The following CDH2 variants were observed in gnomAD, a reference collection of about 807,000 sequenced individuals.
CDH2 encodes the protein cadherin-2.
CDH2 carries 17 observed loss-of-function variants against 92.0 expected under a neutral mutation model. The observed-to-expected ratio is 0.18, with a 90% CI of 0.13 to 0.28. The LOEUF is 0.28. CDH2 is among the 10% of genes least tolerant of loss of function. The probability of loss-of-function intolerance (pLI) is 1.00; values close to 1 mark genes in which losing one functional copy is unlikely to be tolerated. For synonymous variants in CDH2, 419 were observed against 415.9 expected (o/e 1.01, Z -0.09); for missense variants, 862 against 1,133.1 (o/e 0.76, Z 3.44).
chr18:28,116,417 C>T (rs539952052), intron 2 of CDH2, among the ~76,000 whole-genome samples: 4 of 152,224 alleles, frequency 2.6e-5, no homozygotes, highest in South Asian at 4.2e-4. Flanking sequence ...ACATTTTCTC[C>T]TCAGACTCTA....
rs537935222 is a variant in CDH2, at chr18:28,143,780, T to C, written c.172+3893A>G. ...CTGCTGCTAACAATCTAAAGAACTA[T>C]ATAATCACATATACACCATGAAATA... On this transcript the variant is annotated intron_variant, in intron 2 of 15. Coordinates refer to ENST00000269141, the MANE Select transcript of CDH2 (RefSeq NM_001792.5). Among the ~76,000 whole-genome samples, 4 of 152,034 alleles carry C rather than the reference T, an allele frequency of 2.6e-5. No homozygotes were observed. The East Asian group carries it at 7.8e-4, about 29-fold the overall frequency.
intron 2 of CDH2, among the ~76,000 whole-genome samples, chr18:28,094,034 C>T (rs191633466): frequency 9.9e-5 from 15 of 152,270 alleles, no homozygotes; most frequent in Non-Finnish European, 1.8e-4. Flanking sequence ...AACTTAGACT[C>T]AAATGAGCAA....
chr18:28,101,216 G>C (rs1214489846), intron 2 of CDH2, among the ~76,000 whole-genome samples: 1 of 152,092 alleles, frequency 6.6e-6, no homozygotes, highest in Non-Finnish European at 1.5e-5. Flanking sequence ...GAACACCTTA[G>C]CAGTTTGCTT....
At chr18:28,080,117 T>C (rs1317937624) in intron 2 of CDH2, among the ~76,000 whole-genome samples, 1 of 152,058 alleles carries the variant, frequency 6.6e-6, no homozygotes, top group African/African-American at 2.4e-5. Context: ...GGTAATTAAT[T>C]TACCTGAAGG....
chr18:28,136,242 C>T (rs2082512682), intron 2 of CDH2, among the ~76,000 whole-genome samples: 1 of 152,078 alleles, frequency 6.6e-6, no homozygotes, highest in African/African-American at 2.4e-5. Context: ...AAATCAAAGG[C>T]AGTATTATCA....
At chr18:28,073,986 C>CA (rs2014670314) in intron 2 of CDH2, among the ~76,000 whole-genome samples, 1 of 152,084 alleles carries the variant, frequency 6.6e-6, no homozygotes, top group South Asian at 2.1e-4. Flanking sequence ...ATTAGCACGT[C>CA]AGAGGTGGTG....
At chr18:27,949,793 G>C (rs1227447919), downstream of CDH2, among the ~76,000 whole-genome samples, 1 of 151,598 alleles carries the variant, frequency 6.6e-6, no homozygotes, top group African/African-American at 2.4e-5. Flanking sequence ...TTTTTACAAA[G>C]AAAATAGTTG....
At chr18:28,009,566 A>T in intron 5 of CDH2, 151 bp downstream of exon 5, 2 of 543,056 alleles carry the variant, frequency 3.7e-6, no homozygotes, top group South Asian at 5.1e-5. Flanking sequence ...TATAAAAACA[A>T]TAACATTATT....
intron 6 of CDH2, among the ~76,000 whole-genome samples, chr18:27,945,563 T>A (rs926001670): frequency 6.6e-6 from 1 of 152,058 alleles, no homozygotes; most frequent in African/African-American, 2.4e-5. Context: ...AGGAAAAAAC[T>A]TTTAAATCAA....
chr18:28,093,212 TG>T (rs1227055554), intron 2 of CDH2, among the ~76,000 whole-genome samples: 2 of 152,164 alleles, frequency 1.3e-5, no homozygotes, highest in Non-Finnish European at 2.9e-5. Context: ...TACAGATAGA[TG>T]GATATATACA....
intron 2 of CDH2, among the ~76,000 whole-genome samples, chr18:28,126,548 G>C (rs1489727070): frequency 1.3e-5 from 2 of 151,914 alleles, no homozygotes; most frequent in African/African-American, 2.4e-5. Context: ...ACATTATCTG[G>C]AATTCATGCA....
chr18:28,112,966 A>G (rs888130518), intron 2 of CDH2, among the ~76,000 whole-genome samples: 6 of 152,180 alleles, frequency 3.9e-5, no homozygotes, highest in Non-Finnish European at 5.9e-5. Flanking sequence ...AAAATAAATC[A>G]ACTTTGCTAA....
intron 2 of CDH2, among the ~76,000 whole-genome samples, chr18:28,111,511 G>C (rs1406871098): frequency 6.6e-6 from 1 of 152,148 alleles, no homozygotes; most frequent in Non-Finnish European, 1.5e-5. Flanking sequence ...TCTTAGAAAC[G>C]ATCTATCCAA....
chr18:28,138,441 G>A (rs140502445), intron 2 of CDH2, among the ~76,000 whole-genome samples: 1 of 152,202 alleles, frequency 6.6e-6, no homozygotes, highest in East Asian at 1.9e-4. Context: ...CAAGAAGAAT[G>A]CCTCAGTACC....
At chr18:28,169,846 C>T (rs2016438275) in intron 1 of CDH2, among the ~76,000 whole-genome samples, 1 of 152,186 alleles carries the variant, frequency 6.6e-6, no homozygotes, top group African/African-American at 2.4e-5. Flanking sequence ...CCAAGTTAAA[C>T]TGCTTACTTA....
intron 9 of CDH2, among the ~76,000 whole-genome samples, chr18:27,991,682 C>A (rs990954610): frequency 1.3e-5 from 2 of 152,198 alleles, no homozygotes; most frequent in African/African-American, 4.8e-5. Context: ...ATATCAGGAG[C>A]AGAGCTGGGA....
At chr18:28,020,474 A>G (rs1032600342) in intron 2 of CDH2, among the ~76,000 whole-genome samples, 1 of 151,990 alleles carries the variant, frequency 6.6e-6, no homozygotes, top group African/African-American at 2.4e-5. Flanking sequence ...GGCTAATATC[A>G]TGGACATTTG....
intron 6 of CDH2, among the ~76,000 whole-genome samples, chr18:27,937,883 C>A (rs762548328): frequency 6.6e-6 from 1 of 152,016 alleles, no homozygotes; most frequent in Non-Finnish European, 1.5e-5. Flanking sequence ...TTTGAAAACA[C>A]CAAAATATTT....
At chr18:28,077,885 T>G (rs1281016174) in intron 2 of CDH2, among the ~76,000 whole-genome samples, 2 of 82,096 alleles carry the variant, frequency 2.4e-5, no homozygotes, top group Non-Finnish European at 4.1e-5. Context: ...AGTGAGACCC[T>G]GTCTCAAAAA....
Sources: gnomAD v4.1 joint callset for allele counts (sites outside exome capture counted in the v4.1 genomes callset) on GRCh38, gnomAD v4.1.1 for gene constraint, MANE v1.5 for transcripts, NCBI Gene and HGNC (gene_info 2026-07-23, HGNC 2026-07-21) for gene names.